RSU1: variants seen among roughly 807,000 people sequenced by gnomAD.
RSU1 encodes the protein rsu-1.
RSU1 carries 26 observed loss-of-function variants against 31.1 expected under a neutral mutation model. The observed-to-expected ratio is 0.84, with a 90% CI of 0.61 to 1.16. The LOEUF (loss-of-function observed/expected upper bound fraction) is 1.16. RSU1 is among the 50% of genes most tolerant of loss of function. RSU1 has a pLI of 0.00. For missense variants in RSU1, 320 were observed against 339.1 expected (o/e 0.94, Z 0.44); for synonymous variants, 164 against 136.3 (o/e 1.20, Z -1.41).
At position 16,681,128 on chromosome 10, in the gene RSU1, T is replaced by C. The variant is rs575233282; in HGVS notation, c.731+13895A>G. 3.3e-5 allele frequency among the ~76,000 whole-genome samples: 5 copies of C among 152,326 alleles called. No individual in the cohort carries two copies. The East Asian group carries it at 9.6e-4, about 29-fold the overall frequency. ...AGCAACTATCACCCTGCTGACTATT[T>C]GCATGAAATTATGAGTAAGTTCTTA... On this transcript the variant is annotated intron_variant, in intron 8 of 8. Coordinates refer to ENST00000345264, the MANE Select transcript of RSU1 (RefSeq NM_012425.4).
At chr10:16,726,013 A>T (rs1050886022) in intron 7 of RSU1, among the ~76,000 whole-genome samples, 1 of 151,810 alleles carries the variant, frequency 6.6e-6, no homozygotes, top group Non-Finnish European at 1.5e-5. Context: ...ATGTAGATAC[A>T]TATGCACGTA....
At chr10:16,717,676 C>T (rs754590768) in intron 7 of RSU1, among the ~76,000 whole-genome samples, 2 of 152,096 alleles carry the variant, frequency 1.3e-5, no homozygotes, top group Non-Finnish European at 2.9e-5. Context: ...TCTAGTATTA[C>T]TCCACAGTCA....
chr10:16,777,747 T>A (rs1837563164), intron 3 of RSU1, among the ~76,000 whole-genome samples: 1 of 152,064 alleles, frequency 6.6e-6, no homozygotes, highest in Admixed American at 6.5e-5. Flanking sequence ...AGGGATTGGA[T>A]TAAGGAGCAG....
At chr10:16,691,912 T>C (rs1326165889) in intron 8 of RSU1, among the ~76,000 whole-genome samples, 1 of 151,904 alleles carries the variant, frequency 6.6e-6, no homozygotes, top group Non-Finnish European at 1.5e-5. Context: ...CTAATTTTTG[T>C]ATTTTGAGTA....
intron 3 of RSU1, among the ~76,000 whole-genome samples, chr10:16,777,678 A>G (rs1298147981): frequency 6.6e-6 from 1 of 152,206 alleles, no homozygotes; most frequent in East Asian, 1.9e-4. Flanking sequence ...CTTTTTAAAA[A>G]CAAAAAACAA....
intron 7 of RSU1, among the ~76,000 whole-genome samples, chr10:16,727,629 T>A (rs903244775): frequency 6.6e-6 from 1 of 152,212 alleles, no homozygotes; most frequent in Non-Finnish European, 1.5e-5. Context: ...TATTTTTCAC[T>A]CCGGATCCAT....
In RSU1 at chr10:16,752,561, G is replaced by A; in HGVS notation, c.576C>T (p.Leu192=). 2 of 1,614,026 alleles carry A rather than the reference G, an allele frequency of 1.2e-6. No individual in the cohort carries two copies. Among genetic ancestry groups the A allele is most frequent in the Non-Finnish European group, 1.7e-6 (2 of 1,179,864 alleles). ...TACCTAGTTCTGGGGGCAGAACGGT[G>A]AGGCGGTTCCCCTGAATGTGGAGCT... ...LKELHIQGNR[L]TVLPPELGNL... The change falls in exon 7 of 9, where the codon CTC becomes CTT. Residue 192 remains leucine, a synonymous_variant. Transcript: ENST00000345264.
chr10:16,725,580 A>G (rs1407225254), intron 7 of RSU1, among the ~76,000 whole-genome samples: 1 of 151,924 alleles, frequency 6.6e-6, no homozygotes, highest in African/African-American at 2.4e-5. Flanking sequence ...CGGTGCGCTT[A>G]TAACAGGGCT....
At chr10:16,640,905 G>A (rs12570209) in intron 8 of RSU1, among the ~76,000 whole-genome samples, 39,575 of 152,130 alleles carry the variant, frequency 0.26, 5,312 homozygotes, top group South Asian at 0.39. Context: ...AACAGGTTCT[G>A]AGGCAATGCT....
chr10:16,718,097 TAAAAAA>T (rs11411668), intron 7 of RSU1, among the ~76,000 whole-genome samples: 6 of 136,198 alleles, frequency 4.4e-5, no homozygotes, highest in East Asian at 2.1e-4. Context: ...TCAATTTATT[TAAAAAA>T]AAAAAAAAAA....
intron 2 of RSU1, among the ~76,000 whole-genome samples, chr10:16,795,533 A>G (rs1183372347): frequency 6.6e-6 from 1 of 152,154 alleles, no homozygotes; most frequent in Admixed American, 6.5e-5. Context: ...ATTTTAGATG[A>G]GAAAAATGAG....
chr10:16,725,421 T>C (rs1348834249), intron 7 of RSU1, among the ~76,000 whole-genome samples: 2 of 152,116 alleles, frequency 1.3e-5, no homozygotes, highest in Non-Finnish European at 2.9e-5. Context: ...GAACAGATAC[T>C]CTGAAGTGTT....
intron 8 of RSU1, among the ~76,000 whole-genome samples, chr10:16,655,055 TAAAAAAA>T (rs780658639): frequency 9.6e-6 from 1 of 103,766 alleles, no homozygotes; most frequent in African/African-American, 3.5e-5. Flanking sequence ...CTTTGTCCCT[TAAAAAAA>T]AAAAAAAAAA....
intron 8 of RSU1, among the ~76,000 whole-genome samples, chr10:16,624,815 T>C (rs1014380064): frequency 5.9e-5 from 9 of 152,136 alleles, no homozygotes; most frequent in African/African-American, 2.2e-4. Context: ...TAATAGGTAA[T>C]TGCTCATGGG....
chr10:16,736,667 A>G (rs1290855548), intron 7 of RSU1, among the ~76,000 whole-genome samples: 1 of 152,172 alleles, frequency 6.6e-6, no homozygotes, highest in Admixed American at 6.5e-5. Flanking sequence ...AAAACTAGAC[A>G]TTCAGAGTAA....
intron 8 of RSU1, among the ~76,000 whole-genome samples, chr10:16,607,360 G>A (rs1417858897): frequency 6.6e-6 from 1 of 152,168 alleles, no homozygotes; most frequent in Non-Finnish European, 1.5e-5. Context: ...ATAGCAGTGT[G>A]AGAATGGACT....
intron 8 of RSU1, among the ~76,000 whole-genome samples, chr10:16,617,988 C>G (rs1834007438): frequency 6.6e-6 from 1 of 152,176 alleles, no homozygotes. Context: ...CAAATGGGAT[C>G]TAATTAAACT....
In RSU1 at chr10:16,626,707, T is replaced by A. The variant is rs569144263; in HGVS notation, c.732-33211A>T. 2.6e-5 allele frequency among the ~76,000 whole-genome samples: 4 copies of A among 152,220 alleles called. No homozygotes were observed. The South Asian group carries it at 8.3e-4, about 32-fold the overall frequency. On this transcript the variant is annotated intron_variant, in intron 8 of 8. Coordinates refer to ENST00000345264, the MANE Select transcript of RSU1 (RefSeq NM_012425.4). ...CACATCTGAAAAGGAGAAATGAAAA[T>A]CCTAGTGGCCTGGTCTCATGGGGTG...
chr10:16,762,320 T>C (rs1181427437), intron 4 of RSU1, among the ~76,000 whole-genome samples: 2 of 151,090 alleles, frequency 1.3e-5, no homozygotes, highest in South Asian at 2.1e-4. Flanking sequence ...AAAATAGATA[T>C]AATGTGTACA....
Sources: allele counts gnomAD v4.1 joint callset (sites outside exome capture counted in the v4.1 genomes callset), GRCh38; gene constraint gnomAD v4.1.1; transcripts MANE v1.5; gene names NCBI Gene and HGNC (gene_info 2026-07-23, HGNC 2026-07-21).